The following WDR48 variants were observed in gnomAD, a reference collection of about 807,000 sequenced individuals.
WDR48 encodes WD repeat domain 48, also known as WD repeat-containing protein 48.
In WDR48, 22 loss-of-function variants were observed where a neutral mutation model predicts 94.0. The observed-to-expected ratio is 0.23, with a 90% CI of 0.17 to 0.33. The LOEUF is 0.33. WDR48 is among the 10% of genes least tolerant of loss of function. WDR48 has a pLI of 1.00. For missense variants in WDR48, 541 were observed against 813.8 expected (o/e 0.66, Z 4.08); for synonymous variants, 278 against 280.5 (o/e 0.99, Z 0.09).
At chr3:39,094,419 G>A in intron 18 of WDR48, 1 of 1,523,994 alleles carries the variant, frequency 6.6e-7, no homozygotes, top group Non-Finnish European at 8.8e-7. Flanking sequence ...TATCCTCAGA[G>A]GAATGGCTGA....
chr3:39,089,044 T>G (rs1446445911), intron 15 of WDR48, among the ~76,000 whole-genome samples, 187 bp from the exon 16 acceptor site: 1 of 152,176 alleles, frequency 6.6e-6, no homozygotes, highest in East Asian at 1.9e-4. Flanking sequence ...GGGGGCCTGA[T>G]TTTAGGGCCT....
At chr3:39,057,344 C>G (rs1238327024) in intron 1 of WDR48, among the ~76,000 whole-genome samples, 1 of 152,130 alleles carries the variant, frequency 6.6e-6, no homozygotes, top group Non-Finnish European at 1.5e-5. Flanking sequence ...AGTTAACTAT[C>G]CAGTAGCAAC....
At position 39,066,777 on chromosome 3, in the gene WDR48, A is replaced by T. The variant is rs2033635383; in HGVS notation, c.383A>T (p.Asp128Val). 6.2e-7 allele frequency: 1 copy of T among 1,614,056 alleles called. No individual in the cohort carries two copies. Among genetic ancestry groups the T allele is most frequent in the African/African-American group, 1.3e-5 (1 of 75,048 alleles). Residue 128 changes from aspartate to valine, a missense_variant, in exon 5 of 19, where the codon GAT becomes GTT. Coordinates refer to ENST00000302313, the MANE Select transcript of WDR48 (RefSeq NM_020839.4). Reference protein sequence around the residue: ...DYVKALAYAKDKELVASAGLD... With the variant: ...DYVKALAYAKVKELVASAGLD... ...GTAAAGGCCTTAGCATATGCCAAGG[A>T]TAAAGAACTAGTAGCATCAGCTGGG...
intron 1 of WDR48, among the ~76,000 whole-genome samples, chr3:39,058,587 A>G (rs1005200106): frequency 6.6e-6 from 1 of 152,188 alleles, no homozygotes; most frequent in African/African-American, 2.4e-5. Flanking sequence ...CCCCAGAGAA[A>G]GAGAGATTGA....
At chr3:39,064,702 T>A (rs939116872) in intron 2 of WDR48, among the ~76,000 whole-genome samples, 1 of 152,206 alleles carries the variant, frequency 6.6e-6, no homozygotes, top group African/African-American at 2.4e-5. Flanking sequence ...TTTTAAAAGT[T>A]TGTGTCTTTT....
chr3:39,092,880 C>T (rs930697604), intron 17 of WDR48, among the ~76,000 whole-genome samples: 1 of 151,038 alleles, frequency 6.6e-6, no homozygotes, highest in Non-Finnish European at 1.5e-5. Context: ...TCTGTCTACA[C>T]ACACACACAC....
intron 1 of WDR48, 120 bp downstream of exon 1, chr3:39,052,193 G>A (rs1245079368): frequency 1.6e-6 from 2 of 1,267,722 alleles, no homozygotes; most frequent in Non-Finnish European, 1.1e-6. Context: ...ACGGGGCGGG[G>A]CGCGGCCGGC....
At chr3:39,065,167 T>C (rs2033527124) in intron 2 of WDR48, among the ~76,000 whole-genome samples, 1 of 152,188 alleles carries the variant, frequency 6.6e-6, no homozygotes, top group African/African-American at 2.4e-5. Context: ...CTCTCCTGGT[T>C]ATTAAGCCAG....
chr3:39,054,027 A>C (rs2032683072), intron 1 of WDR48, among the ~76,000 whole-genome samples: 1 of 152,194 alleles, frequency 6.6e-6, no homozygotes, highest in Non-Finnish European at 1.5e-5. Context: ...TCTTAGATTA[A>C]CCTGCTGAAG....
At chr3:39,077,651 A>T (rs1360756437) in intron 9 of WDR48, among the ~76,000 whole-genome samples, 3 of 152,262 alleles carry the variant, frequency 2.0e-5, no homozygotes, top group Admixed American at 1.3e-4. Context: ...AGCATGAAGA[A>T]CAGGGATAGA....
intron 10 of WDR48, among the ~76,000 whole-genome samples, chr3:39,078,801 C>A (rs1212905608): frequency 6.6e-6 from 1 of 150,614 alleles, no homozygotes; most frequent in Non-Finnish European, 1.5e-5. Flanking sequence ...GAGGCCAAGG[C>A]GGGCGGATCA....
At chr3:39,068,356 TATATG>T (rs2033734540) in intron 5 of WDR48, among the ~76,000 whole-genome samples, 1 of 152,226 alleles carries the variant, frequency 6.6e-6, no homozygotes, top group Admixed American at 6.5e-5. Context: ...ACATAAGTAA[TATATG>T]AGAGTTCCAT....
At chr3:39,056,749 C>T (rs529200679) in intron 1 of WDR48, among the ~76,000 whole-genome samples, 1 of 152,306 alleles carries the variant, frequency 6.6e-6, no homozygotes, top group South Asian at 2.1e-4. Context: ...GTTGCCAACC[C>T]ATGTGCCTTT....
At chr3:39,093,318 T>C (rs1393381236) in intron 17 of WDR48, among the ~76,000 whole-genome samples, 1 of 152,174 alleles carries the variant, frequency 6.6e-6, no homozygotes, top group Non-Finnish European at 1.5e-5. Context: ...TGGGAAAGTA[T>C]TCAAGGGAAT....
At chr3:39,064,716 C>G (rs2033492007) in intron 2 of WDR48, among the ~76,000 whole-genome samples, 1 of 152,098 alleles carries the variant, frequency 6.6e-6, no homozygotes, top group South Asian at 2.1e-4. Context: ...GTCTTTTTAG[C>G]AAGTTTTACA....
intron 7 of WDR48, 76 bp from the exon 8 acceptor site, chr3:39,074,650 G>A (rs772213956): frequency 8.5e-5 from 121 of 1,427,858 alleles, no homozygotes; most frequent in Non-Finnish European, 1.1e-4. Flanking sequence ...GTGTGGACTC[G>A]GGAGAAGTCA....
chr3:39,084,149 G>T lies in WDR48; in HGVS notation c.1174-6G>T. 6.2e-7 allele frequency: 1 copy of T among 1,604,724 alleles called. No individual in the cohort carries two copies. Among genetic ancestry groups the T allele is most frequent in the Non-Finnish European group, 8.5e-7 (1 of 1,173,294 alleles). On this transcript the variant is annotated splice_region_variant and splice_polypyrimidine_tract_variant and intron_variant, in intron 11 of 18. Coordinates refer to ENST00000302313, the MANE Select transcript of WDR48 (RefSeq NM_020839.4). Reference sequence around the variant, plus strand: ...ATTGATCATTATACTTTCTTTTGATGTATAGGCATGTAAAGTTGAAGATCT... The same window carrying T: ...ATTGATCATTATACTTTCTTTTGATTTATAGGCATGTAAAGTTGAAGATCT...
chr3:39,084,355 T>A, intron 12 of WDR48, 93 bp downstream of exon 12: 5 of 909,472 alleles, frequency 5.5e-6, no homozygotes, highest in Non-Finnish European at 6.1e-6. Flanking sequence ...CCTGTGTTTT[T>A]AGGTGTGAAA....
intron 7 of WDR48, among the ~76,000 whole-genome samples, chr3:39,073,307 T>C (rs540639741): frequency 6.6e-6 from 1 of 152,352 alleles, no homozygotes; most frequent in African/African-American, 2.4e-5. Flanking sequence ...CCTTGTAAAC[T>C]AGCTGGAATA....
Sources: allele counts gnomAD v4.1 joint callset (sites outside exome capture counted in the v4.1 genomes callset), GRCh38; gene constraint gnomAD v4.1.1; transcripts MANE v1.5; gene names NCBI Gene and HGNC (gene_info 2026-07-23, HGNC 2026-07-21).